The following MAGI2 variants were observed in gnomAD, a reference collection of about 807,000 sequenced individuals.
MAGI2 encodes the protein membrane-associated guanylate kinase, WW and PDZ domain-containing protein 2.
In MAGI2, 35 loss-of-function variants were observed where a neutral mutation model predicts 133.3. That is an observed-to-expected ratio of 0.26 (90% CI 0.20 to 0.35). The LOEUF (loss-of-function observed/expected upper bound fraction) is 0.35, where lower values mean the gene tolerates loss of function less well. MAGI2 is among the 10% of genes least tolerant of loss of function. The pLI, the probability that MAGI2 is intolerant of heterozygous loss-of-function variation, is 1.00. For synonymous variants in MAGI2, 729 were observed against 710.6 expected, an observed-to-expected ratio of 1.03 and a Z score of -0.41; for missense variants, 1,636 against 1,863.4, an observed-to-expected ratio of 0.88 and a Z score of 2.25.
chr7:78,164,562 A>T (rs1584224997), intron 15 of MAGI2, among the ~76,000 whole-genome samples: 2 of 152,240 alleles, frequency 1.3e-5, no homozygotes, highest in Admixed American at 6.5e-5. Context: ...ACAACAAGGG[A>T]ATGCATTTAG....
At chr7:79,167,511 C>T (rs1303837284) in intron 1 of MAGI2, among the ~76,000 whole-genome samples, 1 of 150,870 alleles carries the variant, frequency 6.6e-6, no homozygotes, top group Admixed American at 6.6e-5. Context: ...TACTTCATAA[C>T]TGTTAATTTC....
chr7:79,438,527 T>C lies in MAGI2; in HGVS notation c.301+14493A>G, dbSNP rs567368828. Among the ~76,000 whole-genome samples, 7 of 152,256 alleles carry C rather than the reference T, an allele frequency of 4.6e-5. No individual in the cohort carries two copies. The East Asian group carries it at 1.4e-3, about 29-fold the overall frequency. ...GCAGTTCTCAAAGATAGCAATTTTCTTTTTCTAGAACAGCTAAAGCCATTT... is the reference window on the plus strand; with the variant it reads ...GCAGTTCTCAAAGATAGCAATTTTCCTTTTCTAGAACAGCTAAAGCCATTT... On this transcript the variant is annotated intron_variant, in intron 1 of 21. Coordinates refer to ENST00000354212, the MANE Select transcript of MAGI2 (RefSeq NM_012301.4).
chr7:78,678,372 C>T (rs1021960358), intron 2 of MAGI2, among the ~76,000 whole-genome samples: 3 of 152,070 alleles, frequency 2.0e-5, no homozygotes, highest in Non-Finnish European at 4.4e-5. Flanking sequence ...TGCCTGCTTC[C>T]CACTCAAAGT....
At chr7:78,773,759 G>A (rs577559705) in intron 2 of MAGI2, among the ~76,000 whole-genome samples, 1 of 152,276 alleles carries the variant, frequency 6.6e-6, no homozygotes, top group South Asian at 2.1e-4. Flanking sequence ...GAGACACAAA[G>A]AACACGAACA....
At chr7:78,127,811 T>C (rs1821147931) in intron 18 of MAGI2, among the ~76,000 whole-genome samples, 1 of 152,124 alleles carries the variant, frequency 6.6e-6, no homozygotes, top group Non-Finnish European at 1.5e-5. Context: ...CCTTCCTCTC[T>C]CACTCTTACT....
At chr7:79,135,330 G>T (rs1359876593) in intron 1 of MAGI2, among the ~76,000 whole-genome samples, 1 of 152,074 alleles carries the variant, frequency 6.6e-6, no homozygotes, top group Admixed American at 6.5e-5. Flanking sequence ...TATTGCAGAA[G>T]GTGTGTTACA....
chr7:78,097,157 A>G (rs963168613), intron 20 of MAGI2, among the ~76,000 whole-genome samples: 1 of 152,182 alleles, frequency 6.6e-6, no homozygotes, highest in Non-Finnish European at 1.5e-5. Context: ...TAAAAAGTCA[A>G]AAGCCAACAG....
intron 2 of MAGI2, among the ~76,000 whole-genome samples, chr7:78,801,493 C>T (rs892449395): frequency 6.6e-6 from 1 of 152,068 alleles, no homozygotes; most frequent in African/African-American, 2.4e-5. Flanking sequence ...GTACTGTCTA[C>T]CAACCATCCA....
intron 1 of MAGI2, among the ~76,000 whole-genome samples, chr7:79,238,512 A>G (rs931423526): frequency 1.3e-5 from 2 of 152,142 alleles, no homozygotes; most frequent in Non-Finnish European, 2.9e-5. Flanking sequence ...AAGATAAAGC[A>G]TATCGTTTGG....
At chr7:78,432,323 T>A (rs1012800893) in intron 6 of MAGI2, among the ~76,000 whole-genome samples, 8 of 152,036 alleles carry the variant, frequency 5.3e-5, no homozygotes, top group Non-Finnish European at 8.8e-5. Flanking sequence ...TCCTCTGATA[T>A]TTAGATTGAA....
chr7:79,139,663 C>G (rs1317086348), intron 1 of MAGI2, among the ~76,000 whole-genome samples: 4 of 152,140 alleles, frequency 2.6e-5, no homozygotes, highest in African/African-American at 9.7e-5. Flanking sequence ...ACTGGGAGTA[C>G]TATACACGAA....
chr7:78,705,137 T>A (rs1585141376), intron 2 of MAGI2, among the ~76,000 whole-genome samples: 1 of 152,182 alleles, frequency 6.6e-6, no homozygotes, highest in East Asian at 1.9e-4. Flanking sequence ...CCCATCCAAA[T>A]CTTATCTTGA....
At chr7:78,351,114 C>T (rs1283446675) in intron 7 of MAGI2, among the ~76,000 whole-genome samples, 1 of 152,118 alleles carries the variant, frequency 6.6e-6, no homozygotes. Flanking sequence ...ACATGAGGTA[C>T]ATAGTGCTCA....
intron 1 of MAGI2, among the ~76,000 whole-genome samples, chr7:79,452,039 C>A (rs938117036): frequency 3.9e-4 from 60 of 152,198 alleles, no homozygotes; most frequent in African/African-American, 1.4e-3. Flanking sequence ...ATCACAGCCT[C>A]CAATTGAGGT....
intron 6 of MAGI2, among the ~76,000 whole-genome samples, chr7:78,378,188 C>T (rs1198388705): frequency 6.6e-6 from 1 of 151,574 alleles, no homozygotes; most frequent in Non-Finnish European, 1.5e-5. Context: ...TGAGGAAAGC[C>T]ATGACAATAG....
At chr7:78,886,282 T>C (rs1400675204) in intron 2 of MAGI2, among the ~76,000 whole-genome samples, 3 of 152,222 alleles carry the variant, frequency 2.0e-5, no homozygotes, top group African/African-American at 7.2e-5. Context: ...TCCAGAGCAA[T>C]CTAAACATAA....
At chr7:79,292,956 T>G (rs1836625693) in intron 1 of MAGI2, among the ~76,000 whole-genome samples, 1 of 152,094 alleles carries the variant, frequency 6.6e-6, no homozygotes, top group Admixed American at 6.5e-5. Flanking sequence ...ATTACTGCTT[T>G]AAACAATTAG....
At chr7:78,611,100 A>T (rs1021057568) in intron 3 of MAGI2, among the ~76,000 whole-genome samples, 4 of 152,182 alleles carry the variant, frequency 2.6e-5, no homozygotes, top group Admixed American at 1.3e-4. Context: ...GTGTATGCAA[A>T]GTATCAAGTC....
chr7:79,285,177 T>G (rs528233177), intron 1 of MAGI2, among the ~76,000 whole-genome samples: 1 of 152,210 alleles, frequency 6.6e-6, no homozygotes, highest in Admixed American at 6.5e-5. Flanking sequence ...CAAGGTGACC[T>G]ACTGTTAATT....
Sources: gnomAD v4.1 joint callset for allele counts (sites outside exome capture counted in the v4.1 genomes callset) on GRCh38, gnomAD v4.1.1 for gene constraint, MANE v1.5 for transcripts, NCBI Gene and HGNC (gene_info 2026-07-23, HGNC 2026-07-21) for gene names.